Variants in CCM2L observed in about 807,000 individuals in gnomAD.
CCM2L encodes cerebral cavernous malformations 2 protein-like.
A neutral mutation model predicts 54.1 loss-of-function variants in CCM2L; 36 were observed. The observed-to-expected ratio is 0.67, with a 90% CI of 0.51 to 0.88. CCM2L has a LOEUF of 0.88. Among genes scored for constraint, CCM2L ranks in the 40% least tolerant of loss-of-function variants. CCM2L has a pLI of 0.00. For synonymous variants in CCM2L, 351 were observed against 359.3 expected (o/e 0.98, Z 0.26); for missense variants, 700 against 812.1 (o/e 0.86, Z 1.68).
chr20:32,030,814 G>A (rs1170914341), intron 9 of CCM2L, among the ~76,000 whole-genome samples, 187 bp from the exon 10 acceptor site: 1 of 151,502 alleles, frequency 6.6e-6, no homozygotes, highest in Admixed American at 6.6e-5. Flanking sequence ...AGTATGTAGT[G>A]AGCATTCACT....
intron 4 of CCM2L, among the ~76,000 whole-genome samples, chr20:32,018,733 C>G (rs1457469122): frequency 6.6e-6 from 1 of 152,064 alleles, no homozygotes; most frequent in Non-Finnish European, 1.5e-5. Flanking sequence ...GCCAGACCAC[C>G]GAGAGGCCAG....
intron 5 of CCM2L, among the ~76,000 whole-genome samples, chr20:32,019,701 A>G (rs553676319): frequency 6.6e-6 from 1 of 152,322 alleles, no homozygotes; most frequent in Non-Finnish European, 1.5e-5. Context: ...AACATTCACG[A>G]GGACACTAAT....
intron 5 of CCM2L, among the ~76,000 whole-genome samples, chr20:32,021,830 T>C (rs758198565): frequency 1.3e-5 from 2 of 152,214 alleles, no homozygotes; most frequent in Non-Finnish European, 2.9e-5. Context: ...TCTTTGTCTG[T>C]CCATTTTGTA....
chr20:32,018,828 C>T, intron 4 of CCM2L, 115 bp from the exon 5 acceptor site: 3 of 1,151,748 alleles, frequency 2.6e-6, no homozygotes, highest in Non-Finnish European at 3.3e-6. Flanking sequence ...AAGCCGGGGG[C>T]GAGGCGGCGG....
chr20:32,029,838 G>A lies in CCM2L; in HGVS notation c.1402G>A (p.Gly468Arg). Residue 468 changes from glycine to arginine, a missense_variant and splice_region_variant, in exon 9 of 10, where the codon GGG becomes AGG. Gly to Arg is a moderately radical substitution (Grantham distance 125, BLOSUM62 -2). Coordinates refer to ENST00000452892, the MANE Select transcript of CCM2L (RefSeq NM_001365692.1). ...YGDRRKFLLL[G>R]MRPFIPDQDI... is the part of the protein sequence containing the mutation. The stretch of plus-strand genomic sequence containing the variant: ...AGACCGGCGCAAGTTCCTCCTCCTT[G>A]GTGAGCCCCCGCTGTACCCCCAGAG... 1 of 1,598,962 alleles carries A rather than the reference G, an allele frequency of 6.3e-7. No homozygotes were observed. The highest frequency in any genetic ancestry group is 8.5e-7 in the Non-Finnish European group (1 of 1,170,930).
intron 7 of CCM2L, chr20:32,028,312 T>G (rs146244392): frequency 6.6e-6 from 1 of 151,904 alleles, no homozygotes; most frequent in East Asian, 1.9e-4. Context: ...CACATGCTTG[T>G]AGTCCCAGCT....
At position 32,031,207 on chromosome 20, in the gene CCM2L, A is replaced by ATCAC. The variant is rs1350522230; in HGVS notation, c.1610_1613dup (p.Asp540AlafsTer10). On this transcript the variant is annotated frameshift_variant, in exon 10 of 10. Transcript: ENST00000452892. LOFTEE classifies it low-confidence loss of function (END_TRUNC). ...GGCCTTCCACCGGCTGCTGGCTGAC[A>ATCAC]TCACGCACGACATCGAGGCGCTGGC... is the stretch of plus-strand genomic sequence containing the variant. The ATCAC allele has an allele frequency of 7.7e-7, 1 of 1,301,282 alleles. No individual in the cohort carries two copies. The highest frequency in any genetic ancestry group is 2.3e-5 in the Admixed American group (1 of 43,510). 80.6% of individuals were successfully genotyped at this position (1,301,282 alleles called of 1,614,324 possible).
At chr20:32,029,908 C>G in intron 9 of CCM2L, 70 bp downstream of exon 9, 1 of 1,442,340 alleles carries the variant, frequency 6.9e-7, no homozygotes, top group Non-Finnish European at 9.2e-7. Context: ...CAGTCAGGCA[C>G]CAGGCTGCAA....
chr20:32,018,897 T>A lies in CCM2L; in HGVS notation c.467-46T>A, dbSNP rs907932970. On this transcript the variant is annotated intron_variant, in intron 4 of 9. Coordinates refer to ENST00000452892, the MANE Select transcript of CCM2L (RefSeq NM_001365692.1). Reference sequence around the variant, plus strand: ...CCGGCCTCGGCGGGGCGGGGGGGTCTCTGAGTCCCGATCCCCGCGGCTGAC... The same window carrying A: ...CCGGCCTCGGCGGGGCGGGGGGGTCACTGAGTCCCGATCCCCGCGGCTGAC... 1.5e-5 allele frequency: 19 copies of A among 1,254,150 alleles called. No homozygotes were observed. The African/African-American group carries it at 2.8e-4, about 19-fold the overall frequency. The allele number at this position is 1,254,150 out of a possible 1,614,324, so 77.7% of individuals were successfully genotyped here. A position where few individuals can be genotyped will look rare whatever the true frequency, so the allele number is the denominator to read the frequency against.
intron 1 of CCM2L, 65 bp downstream of exon 1, chr20:32,010,549 C>CAG (rs1195102081): frequency 2.4e-5 from 4 of 169,318 alleles, no homozygotes; most frequent in Admixed American, 9.9e-5. Context: ...AGGGGGCAAA[C>CAG]TGGGGCGGGG....
chr20:32,018,350 G>T (rs1264545782), intron 4 of CCM2L, among the ~76,000 whole-genome samples, 188 bp downstream of exon 4: 1 of 152,170 alleles, frequency 6.6e-6, no homozygotes, highest in Admixed American at 6.5e-5. Flanking sequence ...GGGGCAGGCC[G>T]AAGAGGCTCT....
At chr20:32,029,316 T>G (rs2064896435) in intron 8 of CCM2L, 192 bp downstream of exon 8, 1 of 713,342 alleles carries the variant, frequency 1.4e-6, no homozygotes, top group Admixed American at 2.9e-5. Flanking sequence ...TGGCATTAAT[T>G]GAGTGCCTGC....
At chr20:32,018,289 C>A in intron 4 of CCM2L, 127 bp downstream of exon 4, 2 of 723,434 alleles carry the variant, frequency 2.8e-6, no homozygotes, top group Non-Finnish European at 2.1e-6. Flanking sequence ...GAGGGACCTG[C>A]GGCGGGGGCA....
intron 1 of CCM2L, among the ~76,000 whole-genome samples, chr20:32,014,647 G>C (rs757319163): frequency 1.3e-5 from 2 of 152,124 alleles, no homozygotes; most frequent in African/African-American, 4.8e-5. Flanking sequence ...ACTGTCACCT[G>C]GGTGTTTAGA....
At chr20:32,029,242 G>T in intron 8 of CCM2L, 118 bp downstream of exon 8, 1 of 1,442,064 alleles carries the variant, frequency 6.9e-7, no homozygotes, top group Non-Finnish European at 9.6e-7. Flanking sequence ...AGAGGTCAGA[G>T]CAGGAAATGA....
chr20:32,026,942 G>A (rs957058071), intron 7 of CCM2L, among the ~76,000 whole-genome samples: 1 of 152,164 alleles, frequency 6.6e-6, no homozygotes, highest in African/African-American at 2.4e-5. Flanking sequence ...CAACACTTTG[G>A]GAGGGCAACG....
intron 2 of CCM2L, among the ~76,000 whole-genome samples, chr20:32,016,090 C>T (rs1392785075): frequency 4.6e-5 from 7 of 151,918 alleles, no homozygotes; most frequent in African/African-American, 1.7e-4. Flanking sequence ...AACCCCTGAC[C>T]TCAGGTGATC....
At chr20:32,011,598 AAAT>A (rs2122306684) in intron 1 of CCM2L, among the ~76,000 whole-genome samples, 1 of 152,074 alleles carries the variant, frequency 6.6e-6, no homozygotes, top group Admixed American at 6.5e-5. Flanking sequence ...TGTCTAAAAT[AAAT>A]AAATAAATAC....
chr20:32,015,806 G>A (rs147141444), intron 2 of CCM2L, among the ~76,000 whole-genome samples: 95 of 151,212 alleles, frequency 6.3e-4, no homozygotes, highest in Non-Finnish European at 6.5e-4. Context: ...CTCGGACAGC[G>A]TCCAGATTAA....
Sources: allele counts gnomAD v4.1 joint callset (sites outside exome capture counted in the v4.1 genomes callset), GRCh38; gene constraint gnomAD v4.1.1; transcripts MANE v1.5; gene names NCBI Gene and HGNC (gene_info 2026-07-23, HGNC 2026-07-21).